PRLR: variants seen among roughly 807,000 people sequenced by gnomAD.
The protein encoded by PRLR is hPRL receptor.
In PRLR, 13 loss-of-function variants were observed where a neutral mutation model predicts 40.2. The ratio of observed to expected loss-of-function variants is 0.32; its 90% CI spans 0.21 to 0.51. The LOEUF (loss-of-function observed/expected upper bound fraction) is 0.51, where lower values mean the gene tolerates loss of function less well. Among genes scored for constraint, PRLR ranks in the 20% least tolerant of loss-of-function variants. PRLR has a pLI of 0.97. For missense variants in PRLR, 656 were observed against 747.3 expected, an observed-to-expected ratio of 0.88 and a Z score of 1.42; for synonymous variants, 269 against 278.7, an observed-to-expected ratio of 0.97 and a Z score of 0.35.
chr5:35,064,797 T>C lies in PRLR; in HGVS notation c.*292A>G, dbSNP rs969677647. 21 of 329,892 alleles carry C rather than the reference T, an allele frequency of 6.4e-5. No individual in the cohort carries two copies. The highest frequency in any genetic ancestry group is 1.2e-4 in the Non-Finnish European group (21 of 181,754). 20.4% of individuals were successfully genotyped at this position (329,892 alleles called of 1,614,324 possible). On this transcript the variant is annotated 3_prime_UTR_variant, in exon 10 of 10. Transcript: ENST00000618457. ...TCATGAAAGCCTTTTCCAGAGGATA[T>C]ACCTATTGGCATTGTCCCTCAAGAA... is the stretch of plus-strand genomic sequence containing the variant.
chr5:35,106,308 A>G (rs951928535), intron 2 of PRLR, among the ~76,000 whole-genome samples: 1 of 152,230 alleles, frequency 6.6e-6, no homozygotes, highest in African/African-American at 2.4e-5. Context: ...CTAGGAAGAA[A>G]CTGCATCAAC....
exon 9 of PRLR, chr5:35,049,037 T>C (rs1171888061): frequency 3.5e-6 from 2 of 570,922 alleles, no homozygotes; most frequent in Admixed American, 2.2e-5. Flanking sequence ...AGGCACTAGG[T>C]AAGCAGAGGG....
chr5:35,080,736 T>C (rs914883623), intron 5 of PRLR, among the ~76,000 whole-genome samples: 3 of 152,024 alleles, frequency 2.0e-5, no homozygotes, highest in African/African-American at 4.8e-5. Context: ...TAAAGACACA[T>C]GCACACATAT....
chr5:35,101,833 T>A (rs1771900622), intron 2 of PRLR, among the ~76,000 whole-genome samples: 1 of 148,548 alleles, frequency 6.7e-6, no homozygotes, highest in Non-Finnish European at 1.5e-5. Flanking sequence ...ATATTATATA[T>A]ATATATATTT....
chr5:35,114,621 T>A (rs1382520986), intron 2 of PRLR, among the ~76,000 whole-genome samples: 1 of 152,204 alleles, frequency 6.6e-6, no homozygotes, highest in Non-Finnish European at 1.5e-5. Flanking sequence ...TCCGGGAGAC[T>A]GCCTGGCTCC....
chr5:35,189,473 A>G (rs1775539782), intron 1 of PRLR, among the ~76,000 whole-genome samples: 1 of 151,980 alleles, frequency 6.6e-6, no homozygotes, highest in Non-Finnish European at 1.5e-5. Context: ...CCCAGCTACT[A>G]GGGAGGCTGA....
intron 5 of PRLR, among the ~76,000 whole-genome samples, chr5:35,077,041 G>A (rs1770151131): frequency 6.6e-6 from 1 of 152,148 alleles, no homozygotes; most frequent in Non-Finnish European, 1.5e-5. Context: ...AGCTCCTGAA[G>A]GAAGCACTAA....
downstream of PRLR, among the ~76,000 whole-genome samples, chr5:35,050,771 A>G (rs1426775536): frequency 6.6e-6 from 1 of 152,236 alleles, no homozygotes; most frequent in Admixed American, 6.5e-5. Context: ...AGCTTTTCCA[A>G]AGTAATTCTT....
chr5:35,221,470 C>T (rs975548308), intron 1 of PRLR, among the ~76,000 whole-genome samples: 1 of 152,094 alleles, frequency 6.6e-6, no homozygotes, highest in Non-Finnish European at 1.5e-5. Flanking sequence ...TTTTAAAGAA[C>T]AGAATGATGA....
Position 35,189,543 on chromosome 5 carries a change from T to G in PRLR, c.-106+40725A>C, listed in dbSNP as rs200143732. 1.2e-4 allele frequency among the ~76,000 whole-genome samples: 18 copies of G among 151,302 alleles called. No individual in the cohort carries two copies. The East Asian group carries it at 3.3e-3, about 28-fold the overall frequency. On this transcript the variant is annotated intron_variant, in intron 1 of 9. Transcript: ENST00000618457. ...TTGTAGTGAGCTGAGATCGTGCCAC[T>G]GCACTCCAGCCTGGGTGACAGAGAG...
At chr5:35,068,908 T>C (rs1769571382) in intron 7 of PRLR, 30 bp from the exon 8 acceptor site, 4 of 1,506,976 alleles carry the variant, frequency 2.7e-6, no homozygotes, top group Non-Finnish European at 3.7e-6. Flanking sequence ...AAAGCTTTGA[T>C]CACGTACAGC....
intron 1 of PRLR, among the ~76,000 whole-genome samples, chr5:35,179,717 T>A (rs979126447): frequency 1.3e-5 from 2 of 152,206 alleles, no homozygotes; most frequent in African/African-American, 4.8e-5. Context: ...TGTTGGATTA[T>A]AATCCCCAGT....
At chr5:35,200,349 T>G (rs1277702070) in intron 1 of PRLR, among the ~76,000 whole-genome samples, 1 of 152,208 alleles carries the variant, frequency 6.6e-6, no homozygotes, top group Admixed American at 6.5e-5. Context: ...CTGAAAGCCC[T>G]GTTGCTCTAG....
intron 1 of PRLR, among the ~76,000 whole-genome samples, chr5:35,202,566 C>G (rs1294306413): frequency 2.0e-5 from 3 of 152,140 alleles, no homozygotes; most frequent in Non-Finnish European, 4.4e-5. Flanking sequence ...TTGTCTGTCT[C>G]CTCCACTAGA....
At chr5:35,095,829 T>C (rs1346780347) in intron 2 of PRLR, among the ~76,000 whole-genome samples, 1 of 152,232 alleles carries the variant, frequency 6.6e-6, no homozygotes, top group East Asian at 1.9e-4. Context: ...ATTACTTTTA[T>C]ATAAAACGTT....
chr5:35,071,963 T>C (rs1199388254), intron 6 of PRLR, among the ~76,000 whole-genome samples: 2 of 151,700 alleles, frequency 1.3e-5, no homozygotes, highest in Admixed American at 1.3e-4. Flanking sequence ...TGGCGCGATT[T>C]CAGCTCACTG....
chr5:35,113,222 C>T (rs939243227), intron 2 of PRLR, among the ~76,000 whole-genome samples: 22 of 151,194 alleles, frequency 1.5e-4, no homozygotes, highest in East Asian at 2.0e-4. Flanking sequence ...ACCTACCCAC[C>T]CATCTTTCCA....
At chr5:35,136,885 C>T (rs1277423926) in intron 1 of PRLR, among the ~76,000 whole-genome samples, 5 of 151,570 alleles carry the variant, frequency 3.3e-5, no homozygotes, top group African/African-American at 4.9e-5. Context: ...TAAATTCCCA[C>T]TCGATGTTTA....
chr5:35,102,324 T>G (rs1219203683), intron 2 of PRLR, among the ~76,000 whole-genome samples: 1 of 152,150 alleles, frequency 6.6e-6, no homozygotes, highest in African/African-American at 2.4e-5. Flanking sequence ...CTTGAGCATT[T>G]TAAGATTCTG....
Sources: allele counts gnomAD v4.1 joint callset (sites outside exome capture counted in the v4.1 genomes callset), GRCh38; gene constraint gnomAD v4.1.1; transcripts MANE v1.5; gene names NCBI Gene and HGNC (gene_info 2026-07-23, HGNC 2026-07-21).